The following CNKSR2 variants were observed in gnomAD, a reference collection of about 807,000 sequenced individuals.
CNKSR2 encodes the protein connector enhancer of kinase suppressor of Ras 2, also known as CNK homolog protein 2.
In CNKSR2, 14 loss-of-function variants were observed where a neutral mutation model predicts 84.4. The observed-to-expected ratio is 0.17, with a 90% confidence interval of 0.11 to 0.26. The LOEUF is 0.26. Ranked by LOEUF, CNKSR2 falls within the 10% of genes least tolerant of loss-of-function variation. The pLI is 1.00. For synonymous variants in CNKSR2, 275 were observed against 277.9 expected (o/e 0.99, Z 0.10); for missense variants, 485 against 771.2 (o/e 0.63, Z 4.40).
At chrX:21,455,904 T>C (rs1041896216) in intron 4 of CNKSR2, among the ~76,000 whole-genome samples, 7 of 111,701 alleles carry the variant, frequency 6.3e-5, no homozygotes, top group African/African-American at 2.0e-4. Flanking sequence ...ATTCCTCAGC[T>C]TTTATCTGGA....
chrX:21,502,508 A>G (rs760095347), intron 8 of CNKSR2, among the ~76,000 whole-genome samples: 3 of 109,987 alleles, frequency 2.7e-5, no homozygotes, highest in South Asian at 4.0e-4. Context: ...ATTATTTCCT[A>G]TTACACAATT....
At chrX:21,504,231 G>A (rs752652063) in intron 8 of CNKSR2, 3 of 111,186 alleles carry the variant, frequency 2.7e-5, no homozygotes, top group Non-Finnish European at 5.7e-5. Context: ...ATTGAAGCAA[G>A]TATAAATTAT....
chrX:21,418,860 T>C lies in CNKSR2; in HGVS notation c.65-7637T>C, dbSNP rs748215753. On this transcript the variant is annotated intron_variant, in intron 1 of 21. Transcript: ENST00000379510. ...TTCTTTTAAATTATTTCAATCTCTT[T>C]GTTAAATTTATCTAATATTGTCTTT... 3.0e-3 allele frequency among the ~76,000 whole-genome samples: 330 copies of C among 110,977 alleles called. 1 individual carries two copies. The highest frequency in any genetic ancestry group is 9.9e-3 in the African/African-American group (304 of 30,610).
chrX:21,480,365 A>G (rs2091304959), intron 5 of CNKSR2, among the ~76,000 whole-genome samples: 2 of 112,241 alleles, frequency 1.8e-5, no homozygotes, highest in Admixed American at 1.9e-4. Flanking sequence ...TCTAATTATA[A>G]TGAACTGCTT....
At chrX:21,559,834 A>T (rs1287968060) in intron 11 of CNKSR2, among the ~76,000 whole-genome samples, 2 of 112,002 alleles carry the variant, frequency 1.8e-5, no homozygotes, top group African/African-American at 6.5e-5. Context: ...AAGCCATTAA[A>T]TAAATATTAC....
intron 1 of CNKSR2, among the ~76,000 whole-genome samples, chrX:21,417,209 G>A (rs947170305): frequency 5.4e-5 from 6 of 111,426 alleles, no homozygotes; most frequent in Middle Eastern, 4.6e-3. Flanking sequence ...CAATTTTCAT[G>A]TATTCGTGTA....
chrX:21,499,104 A>T (rs775891584), intron 7 of CNKSR2, among the ~76,000 whole-genome samples: 51 of 111,943 alleles, frequency 4.6e-4, no homozygotes, highest in Non-Finnish European at 8.7e-4. Context: ...CGTAGGGATC[A>T]AGAATATCAG....
At chrX:21,567,499 C>G (rs1317228945) in intron 13 of CNKSR2, among the ~76,000 whole-genome samples, 2 of 111,321 alleles carry the variant, frequency 1.8e-5, no homozygotes, top group Non-Finnish European at 3.8e-5. Context: ...CTAGGTCAAC[C>G]CCACAGGGGC....
intron 8 of CNKSR2, among the ~76,000 whole-genome samples, chrX:21,512,884 A>G (rs1477681044): frequency 1.8e-5 from 2 of 111,959 alleles, no homozygotes; most frequent in East Asian, 5.6e-4. Context: ...TAGAATTGAA[A>G]AGACATTAAT....
In CNKSR2 at chrX:21,563,434, A is replaced by C; in HGVS notation, c.1590A>C (p.Pro530=). 1 of 1,204,907 alleles carries C rather than the reference A, an allele frequency of 8.3e-7. No homozygotes were observed. The highest frequency in any genetic ancestry group is 1.1e-6 in the Non-Finnish European group (1 of 889,539). ...AAGACATCATGGGCACTCCTGTGCC[A>C]GAGACCACACTATACCATGTAAGTA... ...LRQDIMGTPV[P]ETTLYHTFQQ... is the part of the protein sequence containing the mutation. The change falls in exon 13 of 22, where the codon CCA becomes CCC. Residue 530 remains proline, a synonymous_variant. Transcript: ENST00000379510.
At chrX:21,419,387 A>G in intron 1 of CNKSR2, among the ~76,000 whole-genome samples, 1 of 111,014 alleles carries the variant, frequency 9.0e-6, no homozygotes, top group East Asian at 2.8e-4. Flanking sequence ...TTGTTTTTCC[A>G]GGATTGGTAC....
At chrX:21,529,841 G>T (rs2091869667) in intron 10 of CNKSR2, among the ~76,000 whole-genome samples, 1 of 110,532 alleles carries the variant, frequency 9.0e-6, no homozygotes, top group African/African-American at 3.3e-5. Context: ...TTGATATAAG[G>T]TCCCTCCTTC....
chrX:21,490,128 C>G (rs960851636), intron 5 of CNKSR2, among the ~76,000 whole-genome samples: 3 of 111,560 alleles, frequency 2.7e-5, no homozygotes, highest in Non-Finnish European at 3.8e-5. Context: ...TCAGTTCAAT[C>G]TTGTGGTTGT....
chrX:21,611,639 G>C (rs1263009734), intron 20 of CNKSR2, among the ~76,000 whole-genome samples: 1 of 111,852 alleles, frequency 8.9e-6, no homozygotes, highest in Non-Finnish European at 1.9e-5. Flanking sequence ...TAGTGGATTG[G>C]ATTTTTTAGC....
intron 8 of CNKSR2, among the ~76,000 whole-genome samples, chrX:21,509,860 T>C (rs1232989462): frequency 1.8e-5 from 2 of 111,983 alleles, no homozygotes; most frequent in Non-Finnish European, 3.8e-5. Flanking sequence ...AGTATGCTAT[T>C]TCCTTCACAT....
chrX:21,586,613 G>A (rs1235757637), intron 13 of CNKSR2, among the ~76,000 whole-genome samples: 1 of 111,493 alleles, frequency 9.0e-6, no homozygotes, highest in Non-Finnish European at 1.9e-5. Flanking sequence ...TAAACAATGA[G>A]GTGATTTTCT....
At chrX:21,412,122 A>G (rs2090353244) in intron 1 of CNKSR2, among the ~76,000 whole-genome samples, 1 of 111,805 alleles carries the variant, frequency 8.9e-6, no homozygotes. Flanking sequence ...ATCTAAAAAT[A>G]TCAGGAGCAT....
chrX:21,464,856 T>C (rs2091106583), intron 4 of CNKSR2, among the ~76,000 whole-genome samples: 1 of 112,559 alleles, frequency 8.9e-6, no homozygotes, highest in African/African-American at 3.2e-5. Context: ...TATAGAAAAA[T>C]TGAAATTGCT....
At position 21,393,555 on chromosome X, in the gene CNKSR2, T is replaced by G. The variant is rs571803011; in HGVS notation, c.64+18594T>G. On this transcript the variant is annotated intron_variant, in intron 1 of 21. Coordinates refer to ENST00000379510, the MANE Select transcript of CNKSR2 (RefSeq NM_014927.5). Reference sequence around the variant, plus strand: ...ACTAAGTTGTTTCAATGCTTTCCAATAATACTTTTCATAAAATTTCACAGA... The same window carrying G: ...ACTAAGTTGTTTCAATGCTTTCCAAGAATACTTTTCATAAAATTTCACAGA... 1.2e-4 allele frequency among the ~76,000 whole-genome samples: 13 copies of G among 112,369 alleles called. No homozygotes were observed. The South Asian group carries it at 4.4e-3, about 38-fold the overall frequency.
Sources: gnomAD v4.1 joint callset for allele counts (sites outside exome capture counted in the v4.1 genomes callset) on GRCh38, gnomAD v4.1.1 for gene constraint, MANE v1.5 for transcripts, NCBI Gene and HGNC (gene_info 2026-07-23, HGNC 2026-07-21) for gene names.